DCDC2: variants seen among roughly 807,000 people sequenced by gnomAD.
The protein encoded by DCDC2 is doublecortin domain-containing protein 2.
In DCDC2, 40 loss-of-function variants were observed where a neutral mutation model predicts 50.2. The ratio of observed to expected loss-of-function variants is 0.80; its 90% CI spans 0.62 to 1.04. DCDC2 has a LOEUF of 1.04. Ranked by LOEUF, DCDC2 falls within the 50% of genes least tolerant of loss-of-function variation. DCDC2 has a pLI of 0.00. For synonymous variants in DCDC2, 234 were observed against 210.6 expected (o/e 1.11, Z -0.96); for missense variants, 570 against 581.9 (o/e 0.98, Z 0.21).
chr6:24,282,337 G>A (rs1172615799), intron 6 of DCDC2, among the ~76,000 whole-genome samples: 1 of 151,990 alleles, frequency 6.6e-6, no homozygotes, highest in African/African-American at 2.4e-5. Flanking sequence ...CCGCCTCCCA[G>A]GTTCAAGTGA....
the DCDC2 span, among the ~76,000 whole-genome samples, chr6:24,365,473 G>A: frequency 1.4e-4 from 22 of 152,120 alleles, no homozygotes; most frequent in African/African-American, 5.3e-4. Flanking sequence ...TGTATTTTTA[G>A]TAGAGACAGG....
chr6:24,350,636 A>G (rs1288385939), intron 2 of DCDC2, among the ~76,000 whole-genome samples: 4 of 151,970 alleles, frequency 2.6e-5, no homozygotes, highest in African/African-American at 9.7e-5. Flanking sequence ...CACATTTTTG[A>G]ATTTTTTTGT....
At chr6:24,350,609 C>T in intron 2 of DCDC2, among the ~76,000 whole-genome samples, 1 of 152,060 alleles carries the variant, frequency 6.6e-6, no homozygotes, top group East Asian at 1.9e-4. Flanking sequence ...AGTTATTTTA[C>T]TCATCCCTCA....
chr6:24,284,780 C>T (rs956194992), intron 6 of DCDC2, among the ~76,000 whole-genome samples: 1 of 152,136 alleles, frequency 6.6e-6, no homozygotes, highest in Non-Finnish European at 1.5e-5. Context: ...GCCCTCCTCA[C>T]ATGCCAGGCT....
the DCDC2 span, among the ~76,000 whole-genome samples, chr6:24,381,801 A>AG: frequency 3.6e-3 from 446 of 124,366 alleles, no homozygotes; most frequent in African/African-American, 0.011. Flanking sequence ...AAGGAAGGAA[A>AG]GAAAGGAAGG....
intron 7 of DCDC2, among the ~76,000 whole-genome samples, chr6:24,243,585 CAA>C (rs894692139): frequency 4.6e-5 from 7 of 152,162 alleles, no homozygotes; most frequent in African/African-American, 1.7e-4. Context: ...AATAGAATAA[CAA>C]AACCCCTCTT....
chr6:24,355,101 C>T (rs550796048), intron 1 of DCDC2, among the ~76,000 whole-genome samples: 3 of 152,216 alleles, frequency 2.0e-5, no homozygotes, highest in South Asian at 4.1e-4. Context: ...TCATTATAAC[C>T]GTAGATACTA....
intron 7 of DCDC2, 107 bp from the exon 8 acceptor site, chr6:24,205,209 C>T: frequency 1.2e-6 from 2 of 1,612,670 alleles, no homozygotes; most frequent in Non-Finnish European, 1.7e-6. Context: ...TTTGGATTCC[C>T]TTTTTAGTTG....
At chr6:24,379,256 TACAGA>T in the DCDC2 span, among the ~76,000 whole-genome samples, 1 of 152,112 alleles carries the variant, frequency 6.6e-6, no homozygotes, top group Admixed American at 6.6e-5. Flanking sequence ...ACAGGCAACC[TACAGA>T]ATGCGAGAAA....
intron 6 of DCDC2, among the ~76,000 whole-genome samples, chr6:24,282,271 C>G (rs1199094032): frequency 1.3e-5 from 2 of 151,730 alleles, no homozygotes; most frequent in African/African-American, 4.8e-5. Context: ...TTTTGAGACT[C>G]TCACCCTACT....
At position 24,171,948 on chromosome 6, in the gene DCDC2, A is replaced by G. The variant is rs1217355124; in HGVS notation, c.*2782T>C. On this transcript the variant is annotated 3_prime_UTR_variant, in exon 10 of 10. Coordinates refer to ENST00000378454, the MANE Select transcript of DCDC2 (RefSeq NM_016356.5). ...AAGCATTATATTGGTTATCACATAA[A>G]AGCATCATAAGTTTTTCGTAGCACT... is the stretch of plus-strand genomic sequence containing the variant. 6.6e-6 allele frequency: 1 copy of G among 152,238 alleles called. No individual in the cohort carries two copies. The allele number at this position is 152,238 out of a possible 1,614,324, so 9.4% of individuals were successfully genotyped here.
At chr6:24,303,659 T>C (rs147162119) in intron 2 of DCDC2, among the ~76,000 whole-genome samples, 4 of 152,300 alleles carry the variant, frequency 2.6e-5, no homozygotes, top group Admixed American at 2.0e-4. Context: ...CACTAATTTA[T>C]AAAAATAGGT....
At chr6:24,336,456 T>C (rs927985660) in intron 2 of DCDC2, among the ~76,000 whole-genome samples, 9 of 152,278 alleles carry the variant, frequency 5.9e-5, no homozygotes, top group Admixed American at 1.3e-4. Context: ...CAGTCACACA[T>C]AGAAGTATAT....
intron 6 of DCDC2, among the ~76,000 whole-genome samples, chr6:24,285,061 C>A (rs2113825322): frequency 6.6e-6 from 1 of 152,254 alleles, no homozygotes; most frequent in East Asian, 1.9e-4. Flanking sequence ...CATGCACACA[C>A]ACACACTAGA....
At chr6:24,300,413 A>C (rs1485599203) in intron 4 of DCDC2, among the ~76,000 whole-genome samples, 1 of 152,194 alleles carries the variant, frequency 6.6e-6, no homozygotes, top group African/African-American at 2.4e-5. Context: ...AAAAATGTAT[A>C]TGCTTGCACA....
chr6:24,352,609 A>C (rs1308647794), intron 2 of DCDC2, among the ~76,000 whole-genome samples: 1 of 152,200 alleles, frequency 6.6e-6, no homozygotes, highest in Non-Finnish European at 1.5e-5. Flanking sequence ...TTCTTCAAAT[A>C]CTGTACAATT....
chr6:24,235,939 G>A (rs1042676392), intron 7 of DCDC2, among the ~76,000 whole-genome samples: 9 of 152,286 alleles, frequency 5.9e-5, no homozygotes, highest in South Asian at 2.1e-4. Context: ...CTACACTGCT[G>A]AAAGAAATCA....
intron 8 of DCDC2, among the ~76,000 whole-genome samples, chr6:24,199,961 A>C (rs1025840665): frequency 2.6e-5 from 4 of 152,244 alleles, no homozygotes; most frequent in Non-Finnish European, 4.4e-5. Context: ...ACAAGATTAG[A>C]GAAAAAATAA....
At chr6:24,245,288 TAGGATTTTAAGGTCCACAAGTGG>T (rs1429434187) in intron 7 of DCDC2, among the ~76,000 whole-genome samples, 1 of 152,104 alleles carries the variant, frequency 6.6e-6, no homozygotes, top group Non-Finnish European at 1.5e-5. Flanking sequence ...GGCTGGGAGC[TAGGATTTTAAGGTCCACAAGTGG>T]AGTGTTGGAA....
Sources: allele counts gnomAD v4.1 joint callset (sites outside exome capture counted in the v4.1 genomes callset), GRCh38; gene constraint gnomAD v4.1.1; transcripts MANE v1.5; gene names NCBI Gene and HGNC (gene_info 2026-07-23, HGNC 2026-07-21).